Variants in COL25A1 observed in about 807,000 individuals in gnomAD.
COL25A1 encodes the protein collagen type XXV alpha 1 chain, also known as collagen alpha-1(XXV) chain.
In COL25A1, 103 loss-of-function variants were observed where a neutral mutation model predicts 128.4. That is an observed-to-expected ratio of 0.80 (90% CI 0.68 to 0.94). The LOEUF (loss-of-function observed/expected upper bound fraction) is 0.94, where lower values mean the gene tolerates loss of function less well. Ranked by LOEUF, COL25A1 falls within the 40% of genes least tolerant of loss-of-function variation. The pLI, the probability that COL25A1 is intolerant of heterozygous loss-of-function variation, is 0.00. For synonymous variants in COL25A1, 279 were observed against 277.2 expected (o/e 1.01, Z -0.06); for missense variants, 745 against 840.0 (o/e 0.89, Z 1.40).
intron 3 of COL25A1, among the ~76,000 whole-genome samples, chr4:109,164,082 T>C (rs901643632): frequency 2.6e-5 from 4 of 152,116 alleles, no homozygotes; most frequent in Admixed American, 1.3e-4. Context: ...GAGAATGCTA[T>C]GTATTCAACA....
At chr4:109,167,991 T>C (rs573647271) in intron 3 of COL25A1, among the ~76,000 whole-genome samples, 1 of 152,246 alleles carries the variant, frequency 6.6e-6, no homozygotes, top group Non-Finnish European at 1.5e-5. Context: ...CCAATCAATT[T>C]GGGTAGAAAG....
chr4:109,268,652 A>G (rs1781957316), intron 3 of COL25A1, among the ~76,000 whole-genome samples: 1 of 152,240 alleles, frequency 6.6e-6, no homozygotes, highest in African/African-American at 2.4e-5. Context: ...TTACATGTCA[A>G]TCACGATAAC....
intron 3 of COL25A1, among the ~76,000 whole-genome samples, chr4:109,292,189 G>C (rs1054852429): frequency 2.0e-5 from 3 of 152,016 alleles, no homozygotes; most frequent in Non-Finnish European, 4.4e-5. Flanking sequence ...GCTTCTGCCT[G>C]CTCTAGTCTC....
At chr4:108,860,033 T>C (rs1297344341) in intron 23 of COL25A1, among the ~76,000 whole-genome samples, 1 of 152,178 alleles carries the variant, frequency 6.6e-6, no homozygotes, top group African/African-American at 2.4e-5. Flanking sequence ...TGATGTGACA[T>C]GTAAAATTTT....
chr4:108,820,921 A>G (rs1012693784), intron 35 of COL25A1, among the ~76,000 whole-genome samples: 1 of 152,164 alleles, frequency 6.6e-6, no homozygotes, highest in Non-Finnish European at 1.5e-5. Flanking sequence ...GAAGGAATGC[A>G]CCTCAGCTGT....
At chr4:109,182,458 A>G (rs1774749116) in intron 3 of COL25A1, among the ~76,000 whole-genome samples, 1 of 152,148 alleles carries the variant, frequency 6.6e-6, no homozygotes. Context: ...TATTGATCCC[A>G]TCAGCTACAT....
Position 108,813,022 on chromosome 4 carries a change from TA to T in COL25A1, c.*904del, listed in dbSNP as rs1263267562. The T allele has an allele frequency of 6.6e-6, 1 of 152,212 alleles. No individual in the cohort carries two copies. The highest frequency in any genetic ancestry group is 1.5e-5 in the Non-Finnish European group (1 of 68,036). 9.4% of individuals were successfully genotyped at this position (152,212 alleles called of 1,614,324 possible). ...AATTCAGTTTATTTATACATATTTT[TA>T]AAGTCTGTGGTTCTGCATGTTTGCA... On this transcript the variant is annotated 3_prime_UTR_variant, in exon 38 of 38. Coordinates refer to ENST00000399132, the MANE Select transcript of COL25A1 (RefSeq NM_198721.4).
chr4:108,871,477 G>A (rs1260981149), intron 19 of COL25A1, among the ~76,000 whole-genome samples: 2 of 152,030 alleles, frequency 1.3e-5, no homozygotes, highest in Admixed American at 6.6e-5. Flanking sequence ...CACTACGCCC[G>A]GCTAATTTTT....
chr4:109,139,550 T>G (rs1578263405), intron 3 of COL25A1, among the ~76,000 whole-genome samples: 2 of 152,336 alleles, frequency 1.3e-5, no homozygotes, highest in Admixed American at 1.3e-4. Flanking sequence ...GGCTAGCCAG[T>G]TTTCTCAACA....
chr4:109,044,113 G>GTA (rs1201941634), intron 5 of COL25A1, among the ~76,000 whole-genome samples: 3 of 135,406 alleles, frequency 2.2e-5, no homozygotes, highest in East Asian at 5.2e-4. Flanking sequence ...GTGTGTGTGT[G>GTA]TGTATGTATG....
Position 109,053,034 on chromosome 4 carries a change from G to A in COL25A1, c.368-2855C>T, listed in dbSNP as rs115046616. Among the ~76,000 whole-genome samples, 509 of 152,088 alleles carry A rather than the reference G, an allele frequency of 3.3e-3. 3 individuals carry two copies. Among genetic ancestry groups the A allele is most frequent in the African/African-American group, 0.011 (470 of 41,484 alleles). ...AAAACATGACTCTGCAAAAGAAACT[G>A]GTTCAAGAAAATGAATGGGAAGAGA... On this transcript the variant is annotated intron_variant, in intron 3 of 37. Transcript: ENST00000399132.
At chr4:109,255,884 GTAAGT>G (rs1781045350) in intron 3 of COL25A1, among the ~76,000 whole-genome samples, 1 of 152,090 alleles carries the variant, frequency 6.6e-6, no homozygotes, top group African/African-American at 2.4e-5. Flanking sequence ...TGCACCCTTA[GTAAGT>G]TAAGTAAAAT....
intron 3 of COL25A1, among the ~76,000 whole-genome samples, chr4:109,185,193 C>T (rs895491885): frequency 1.3e-5 from 2 of 152,104 alleles, no homozygotes; most frequent in Non-Finnish European, 2.9e-5. Context: ...ATTCATAAGG[C>T]AGTCAAGGAT....
chr4:109,016,010 A>G (rs572392579), intron 5 of COL25A1, among the ~76,000 whole-genome samples: 2 of 152,272 alleles, frequency 1.3e-5, no homozygotes, highest in East Asian at 1.9e-4. Context: ...CCTGCCCCCT[A>G]CTGAGTTGGT....
In COL25A1 at chr4:108,931,151, C is replaced by T. The variant is rs916279121; in HGVS notation, c.708+6657G>A. Among the ~76,000 whole-genome samples the T allele has an allele frequency of 4.6e-5, 7 of 152,258 alleles. No individual in the cohort carries two copies. The South Asian group carries it at 6.2e-4, about 14-fold the overall frequency. ...TTTTAAGACTTTCTTCTATTCAAAACTTAGCATATGACTGTTCATTGCTTT... is the reference window on the plus strand; with the variant it reads ...TTTTAAGACTTTCTTCTATTCAAAATTTAGCATATGACTGTTCATTGCTTT... On this transcript the variant is annotated intron_variant, in intron 11 of 37. Transcript: ENST00000399132.
At chr4:108,832,897 G>A (rs1164011279) in intron 31 of COL25A1, among the ~76,000 whole-genome samples, 3 of 151,854 alleles carry the variant, frequency 2.0e-5, no homozygotes, top group African/African-American at 7.3e-5. Flanking sequence ...TACTCGGGAG[G>A]CTGAGACTGT....
intron 3 of COL25A1, among the ~76,000 whole-genome samples, chr4:109,143,475 T>C (rs1311913468): frequency 6.6e-6 from 1 of 152,226 alleles, no homozygotes; most frequent in Non-Finnish European, 1.5e-5. Context: ...GGGGAAGTTC[T>C]CCTGGATAAT....
At chr4:109,253,397 A>G (rs1297101156) in intron 3 of COL25A1, among the ~76,000 whole-genome samples, 1 of 152,212 alleles carries the variant, frequency 6.6e-6, no homozygotes, top group Non-Finnish European at 1.5e-5. Context: ...GTTGAAAGGC[A>G]GGAGAAGACC....
At position 108,907,081 on chromosome 4, in the gene COL25A1, C is replaced by T. The variant is rs113999626; in HGVS notation, c.781-5909G>A. Among the ~76,000 whole-genome samples the T allele has an allele frequency of 3.8e-3, 575 of 152,294 alleles. 4 individuals carry two copies. The highest frequency in any genetic ancestry group is 0.013 in the African/African-American group (536 of 41,558). On this transcript the variant is annotated intron_variant, in intron 13 of 37. Transcript: ENST00000399132. ...GGAAAAGATGGGAGAAATGTTAACC[C>T]TGCAGTGGCACACCTCCAAGTCATG...
Sources: gnomAD v4.1 joint callset for allele counts (sites outside exome capture counted in the v4.1 genomes callset) on GRCh38, gnomAD v4.1.1 for gene constraint, MANE v1.5 for transcripts, NCBI Gene and HGNC (gene_info 2026-07-23, HGNC 2026-07-21) for gene names.